TMCO4: variants seen among roughly 807,000 people sequenced by gnomAD.
TMCO4 encodes the protein transmembrane and coiled-coil domain-containing protein 4.
Under a neutral mutation model 64.7 loss-of-function variants are expected in TMCO4, and 58 were observed. That is an observed-to-expected ratio of 0.90 (90% CI 0.73 to 1.12). The LOEUF (loss-of-function observed/expected upper bound fraction) is 1.12. TMCO4 is among the 50% of genes most tolerant of loss of function. The pLI, the probability that TMCO4 is intolerant of heterozygous loss-of-function variation, is 0.00. For missense variants in TMCO4, 780 were observed against 825.9 expected (o/e 0.94, Z 0.68); for synonymous variants, 325 against 346.1 (o/e 0.94, Z 0.68).
At chr1:19,753,182 A>T (rs2042095544) in intron 7 of TMCO4, among the ~76,000 whole-genome samples, 1 of 150,714 alleles carries the variant, frequency 6.6e-6, no homozygotes, top group Non-Finnish European at 1.5e-5. Context: ...CTGGTCTCGA[A>T]CTCCTGACCT....
At chr1:19,750,468 TG>T (rs1330574815) in intron 7 of TMCO4, 1 of 152,148 alleles carries the variant, frequency 6.6e-6, no homozygotes, top group African/African-American at 2.4e-5. Flanking sequence ...GCTTAGGAAA[TG>T]TAACTATCAA....
In TMCO4 at chr1:19,795,185, T is replaced by A. The variant is rs562244894; in HGVS notation, c.-101+2952A>T. Among the ~76,000 whole-genome samples, 16 of 147,874 alleles carry A rather than the reference T, an allele frequency of 1.1e-4. No homozygotes were observed. The South Asian group carries it at 2.8e-3, about 26-fold the overall frequency. Reference sequence around the variant, plus strand: ...GCCATTTTTACCTTAAAAAAAAAAATAGGGGCCGGACACAGTGGCTCACGC... The same window carrying A: ...GCCATTTTTACCTTAAAAAAAAAAAAAGGGGCCGGACACAGTGGCTCACGC... On this transcript the variant is annotated intron_variant, in intron 2 of 15. Transcript: ENST00000294543.
intron 13 of TMCO4, among the ~76,000 whole-genome samples, chr1:19,712,763 G>T (rs1304528465): frequency 1.3e-5 from 2 of 152,206 alleles, no homozygotes; most frequent in Non-Finnish European, 2.9e-5. Context: ...CAGGGACATA[G>T]AAGGCCATAT....
chr1:19,772,337 A>T (rs1266435), intron 4 of TMCO4, among the ~76,000 whole-genome samples: 1 of 152,172 alleles, frequency 6.6e-6, no homozygotes, highest in Non-Finnish European at 1.5e-5. Context: ...CTGCTGCAAA[A>T]GTGGAAGAAG....
intron 13 of TMCO4, among the ~76,000 whole-genome samples, chr1:19,702,285 CA>C (rs71010505): frequency 0.081 from 8,302 of 102,770 alleles, 499 homozygotes; most frequent in East Asian, 0.31. Flanking sequence ...CTTGTCTTTA[CA>C]AAAAAAAAAA....
At chr1:19,747,013 T>G (rs1459912274) in intron 8 of TMCO4, 150 bp downstream of exon 8, 1 of 750,058 alleles carries the variant, frequency 1.3e-6, no homozygotes, top group Non-Finnish European at 2.3e-6. Context: ...ACAGTGCTGA[T>G]GAGCACACCG....
intron 7 of TMCO4, among the ~76,000 whole-genome samples, chr1:19,751,724 T>C (rs1470468318): frequency 6.6e-6 from 1 of 152,170 alleles, no homozygotes; most frequent in Non-Finnish European, 1.5e-5. Flanking sequence ...GCCAATCTAT[T>C]TCCCTGTTTA....
intron 2 of TMCO4, among the ~76,000 whole-genome samples, chr1:19,792,546 T>G (rs1333558514): frequency 6.6e-6 from 1 of 152,198 alleles, no homozygotes; most frequent in Non-Finnish European, 1.5e-5. Context: ...TACCATTGGA[T>G]TTCTTCTTGG....
In TMCO4 at chr1:19,744,711, A is replaced by T. The variant is rs2041684744; in HGVS notation, c.877+821T>A. ...CCTGCTGTCCCTTTGCTTGGAATAC[A>T]CTTTCTGCTCCTGGTTTATCGGGCT... On this transcript the variant is annotated intron_variant, in intron 10 of 15. Coordinates refer to ENST00000294543, the MANE Select transcript of TMCO4 (RefSeq NM_181719.7). Among the ~76,000 whole-genome samples, 3 of 152,018 alleles carry T rather than the reference A, an allele frequency of 2.0e-5. No individual in the cohort carries two copies. In the South Asian group the frequency reaches 6.2e-4, roughly 32 times the overall value.
intron 4 of TMCO4, among the ~76,000 whole-genome samples, chr1:19,779,795 T>C (rs1179226160): frequency 6.6e-6 from 1 of 152,220 alleles, no homozygotes; most frequent in East Asian, 1.9e-4. Context: ...TGAATAAATA[T>C]TAATATCTTA....
At chr1:19,790,073 A>G (rs1028546491) in intron 2 of TMCO4, among the ~76,000 whole-genome samples, 10 of 151,098 alleles carry the variant, frequency 6.6e-5, no homozygotes, top group African/African-American at 1.5e-4. Context: ...AAAAAAAAAA[A>G]AGAGATTCCC....
chr1:19,773,522 C>T (rs2043077635), intron 4 of TMCO4, among the ~76,000 whole-genome samples: 2 of 152,176 alleles, frequency 1.3e-5, no homozygotes, highest in African/African-American at 2.4e-5. Context: ...CCTCAGGCAA[C>T]GTGGCTCCCT....
rs1244808401 is a variant in TMCO4, at chr1:19,682,465, A to G, written c.*575T>C. 3 of 613,628 alleles carry G rather than the reference A, an allele frequency of 4.9e-6. No homozygotes were observed. The highest frequency in any genetic ancestry group is 8.9e-6 in the Non-Finnish European group (3 of 337,326). 38.0% of individuals were successfully genotyped at this position (613,628 alleles called of 1,614,324 possible). Reference sequence around the variant, plus strand: ...TCATGTCCCTGGAGTTATGCAGCGCACAGCCTACATGGCTGTACAGGGCAG... The same window carrying G: ...TCATGTCCCTGGAGTTATGCAGCGCGCAGCCTACATGGCTGTACAGGGCAG... On this transcript the variant is annotated 3_prime_UTR_variant, in exon 16 of 16. Transcript: ENST00000294543.
intron 3 of TMCO4, among the ~76,000 whole-genome samples, chr1:19,781,934 C>T (rs777980087): frequency 1.3e-5 from 2 of 152,226 alleles, no homozygotes; most frequent in Non-Finnish European, 2.9e-5. Context: ...GCATGAGCCA[C>T]CACGCCTGGC....
At chr1:19,752,801 C>G (rs2042078683) in intron 7 of TMCO4, among the ~76,000 whole-genome samples, 1 of 151,648 alleles carries the variant, frequency 6.6e-6, no homozygotes, top group South Asian at 2.1e-4. Flanking sequence ...TATGCCACCC[C>G]TCTGACTTTA....
At chr1:19,770,468 A>T in intron 6 of TMCO4, 74 bp downstream of exon 6, 1 of 1,565,980 alleles carries the variant, frequency 6.4e-7, no homozygotes, top group Non-Finnish European at 8.8e-7. Flanking sequence ...AGGTGGTGGC[A>T]CCTCTCACTG....
At chr1:19,768,649 G>T (rs1344279122) in intron 6 of TMCO4, among the ~76,000 whole-genome samples, 1 of 152,196 alleles carries the variant, frequency 6.6e-6, no homozygotes, top group Non-Finnish European at 1.5e-5. Context: ...CAAAGCAGAG[G>T]CTGGCCTGGT....
At chr1:19,728,957 G>A (rs2100778431) in intron 13 of TMCO4, among the ~76,000 whole-genome samples, 1 of 152,260 alleles carries the variant, frequency 6.6e-6, no homozygotes, top group South Asian at 2.1e-4. Flanking sequence ...TGGCCTTCTG[G>A]CTGCTAATTG....
intron 13 of TMCO4, among the ~76,000 whole-genome samples, chr1:19,721,106 G>C (rs1341321116): frequency 6.6e-6 from 1 of 152,100 alleles, no homozygotes; most frequent in Non-Finnish European, 1.5e-5. Flanking sequence ...GGATTCTTCT[G>C]TTGTTGTTAT....
Sources: gnomAD v4.1 joint callset for allele counts (sites outside exome capture counted in the v4.1 genomes callset) on GRCh38, gnomAD v4.1.1 for gene constraint, MANE v1.5 for transcripts, NCBI Gene and HGNC (gene_info 2026-07-23, HGNC 2026-07-21) for gene names.